The following CTBS variants were observed in gnomAD, a reference collection of about 807,000 sequenced individuals.
CTBS encodes the protein chitobiase.
A neutral mutation model predicts 44.3 loss-of-function variants in CTBS; 35 were observed. That is an observed-to-expected ratio of 0.79 (90% CI 0.60 to 1.05). The LOEUF is 1.05. Ranked by LOEUF, CTBS falls within the 50% of genes least tolerant of loss-of-function variation. CTBS has a pLI of 0.00. For synonymous variants in CTBS, 143 were observed against 168.0 expected, an observed-to-expected ratio of 0.85 and a Z score of 1.15; for missense variants, 458 against 475.3, an observed-to-expected ratio of 0.96 and a Z score of 0.34.
At position 84,552,997 on chromosome 1, in the gene CTBS, T is replaced by C. The variant is rs971131364; in HGVS notation, c.*2002A>G. Reference sequence around the variant, plus strand: ...ACTATGATGTACTTTTAGAAGGGTATGATGAAGTTCATTTTTGAAAAGTAA... The same window carrying C: ...ACTATGATGTACTTTTAGAAGGGTACGATGAAGTTCATTTTTGAAAAGTAA... On this transcript the variant is annotated 3_prime_UTR_variant, in exon 7 of 7. Transcript: ENST00000370630. The C allele has an allele frequency of 1.5e-5, 20 of 1,304,700 alleles. No individual in the cohort carries two copies. Among genetic ancestry groups the C allele is most frequent in the Non-Finnish European group, 2.1e-5 (20 of 943,126 alleles). The allele number at this position is 1,304,700 out of a possible 1,614,324, so 80.8% of individuals were successfully genotyped here.
At chr1:84,573,981 C>A in intron 1 of CTBS, 1 of 1,366,732 alleles carries the variant, frequency 7.3e-7, no homozygotes, top group Non-Finnish European at 9.4e-7. Flanking sequence ...AGGAGCTTGC[C>A]TTAGGAGGCA....
intron 6 of CTBS, among the ~76,000 whole-genome samples, chr1:84,557,617 A>T (rs1043098305): frequency 2.0e-5 from 3 of 148,032 alleles, no homozygotes; most frequent in African/African-American, 7.5e-5. Context: ...GCCCTTTGGG[A>T]GGCCGAGATG....
chr1:84,574,296 G>A lies in CTBS; in HGVS notation c.120C>T (p.Asp40=). 1 of 1,572,068 alleles carries A rather than the reference G, an allele frequency of 6.4e-7. No homozygotes were observed. Among genetic ancestry groups the A allele is most frequent in the Non-Finnish European group, 8.6e-7 (1 of 1,163,124 alleles). The change falls in exon 1 of 7, where the codon GAC becomes GAT. Residue 40 remains aspartate, a synonymous_variant. Transcript: ENST00000370630. The part of the protein sequence containing the change: ...LLALRLAAGT[D]CPCPEPELCR... ...AGAGCTCAGGCTCCGGGCATGGGCA[G>A]TCGGTCCCGGCCGCGAGCCGCAGCG... is the stretch of plus-strand genomic sequence containing the variant.
chr1:84,551,110 A>G lies in CTBS; in HGVS notation c.*3889T>C, dbSNP rs1684257705. 2 of 985,088 alleles carry G rather than the reference A, an allele frequency of 2.0e-6. No homozygotes were observed. Among genetic ancestry groups the G allele is most frequent in the Middle Eastern group, 5.2e-4 (1 of 1,936 alleles). 61.0% of individuals were successfully genotyped at this position (985,088 alleles called of 1,614,324 possible). A position where few individuals can be genotyped will look rare whatever the true frequency, so the allele number is the denominator to read the frequency against. ...GTGAGAATTGTGTACAACTAATTAC[A>G]TCATAGAAATTATCTGTGAAGTACA... On this transcript the variant is annotated 3_prime_UTR_variant, in exon 7 of 7. Transcript: ENST00000370630.
chr1:84,551,400 A>G lies in CTBS; in HGVS notation c.*3599T>C, dbSNP rs562245482. 783 of 617,634 alleles carry G rather than the reference A, an allele frequency of 1.3e-3. No individual in the cohort carries two copies. Among genetic ancestry groups the G allele is most frequent in the Non-Finnish European group, 1.5e-3 (741 of 494,410 alleles). 38.3% of individuals were successfully genotyped at this position (617,634 alleles called of 1,614,324 possible). On this transcript the variant is annotated 3_prime_UTR_variant, in exon 7 of 7. Coordinates refer to ENST00000370630, the MANE Select transcript of CTBS (RefSeq NM_004388.3). ...AAATAAAATTTAAAAATAAAAAAAT[A>G]GAATTAGCACTGTCCAACAGAACTT...
At chr1:84,570,843 T>G (rs1275089035) in intron 1 of CTBS, 123 bp from the exon 2 acceptor site, 6 of 898,812 alleles carry the variant, frequency 6.7e-6, no homozygotes, top group African/African-American at 3.4e-5. Context: ...TACAAGTGCA[T>G]AAGACATAGG....
chr1:84,564,817 G>A (rs1271284889), intron 4 of CTBS, among the ~76,000 whole-genome samples: 4 of 152,120 alleles, frequency 2.6e-5, no homozygotes, highest in Non-Finnish European at 5.9e-5. Context: ...AGGCTGAGGT[G>A]GGAGGATCAC....
chr1:84,560,353 G>T (rs1684567853), intron 6 of CTBS, among the ~76,000 whole-genome samples: 1 of 152,076 alleles, frequency 6.6e-6, no homozygotes, highest in African/African-American at 2.4e-5. Flanking sequence ...TCACAGAGAG[G>T]CCAAGAAAAA....
intron 6 of CTBS, 133 bp from the exon 7 acceptor site, chr1:84,555,332 G>T: frequency 1.6e-6 from 1 of 611,766 alleles, no homozygotes; most frequent in South Asian, 3.1e-5. Context: ...ATTCAAAAAG[G>T]ATACAATGAA....
At chr1:84,568,104 C>T (rs963139270) in intron 3 of CTBS, among the ~76,000 whole-genome samples, 2 of 152,218 alleles carry the variant, frequency 1.3e-5, no homozygotes, top group Non-Finnish European at 2.9e-5. Flanking sequence ...CACTAATTCA[C>T]CTAACATGAA....
intron 6 of CTBS, among the ~76,000 whole-genome samples, chr1:84,558,744 T>TA (rs1684526626): frequency 6.6e-6 from 1 of 151,314 alleles, no homozygotes; most frequent in Non-Finnish European, 1.5e-5. Flanking sequence ...CTACAAAAAG[T>TA]AAAAAAATCA....
chr1:84,556,795 A>G (rs1156686787), intron 6 of CTBS, among the ~76,000 whole-genome samples: 4 of 152,012 alleles, frequency 2.6e-5, no homozygotes, highest in Admixed American at 6.6e-5. Context: ...AATATGGTAG[A>G]CTAATTGTAA....
chr1:84,555,231 A>T, intron 6 of CTBS, 32 bp from the exon 7 acceptor site: 1 of 1,513,626 alleles, frequency 6.6e-7, no homozygotes, highest in Non-Finnish European at 9.1e-7. Flanking sequence ...GAGATTTTAA[A>T]GTATTTAGTA....
chr1:84,564,763 T>C (rs1684660326), intron 4 of CTBS, among the ~76,000 whole-genome samples: 1 of 152,194 alleles, frequency 6.6e-6, no homozygotes, highest in Admixed American at 6.5e-5. Flanking sequence ...AATAGGTATG[T>C]GGCTAGGCAC....
intron 1 of CTBS, among the ~76,000 whole-genome samples, chr1:84,572,727 G>C (rs964589599): frequency 2.0e-5 from 3 of 151,176 alleles, no homozygotes; most frequent in African/African-American, 4.9e-5. Flanking sequence ...GTGCAGTGGC[G>C]TGATCTTGGC....
intron 3 of CTBS, among the ~76,000 whole-genome samples, chr1:84,568,262 C>T (rs1684733944): frequency 6.6e-6 from 1 of 152,216 alleles, no homozygotes; most frequent in African/African-American, 2.4e-5. Flanking sequence ...CCATATATTC[C>T]ACACATCAAT....
rs1248882402 is a variant in CTBS, at chr1:84,550,606, G to A, written c.*4393C>T. 2.2e-6 allele frequency: 3 copies of A among 1,388,818 alleles called. No individual in the cohort carries two copies. The highest frequency in any genetic ancestry group is 1.9e-5 in the South Asian group (1 of 53,956). The allele number at this position is 1,388,818 out of a possible 1,614,324, so 86.0% of individuals were successfully genotyped here. A position where few individuals can be genotyped will look rare whatever the true frequency, so the allele number is the denominator to read the frequency against. On this transcript the variant is annotated 3_prime_UTR_variant, in exon 7 of 7. Transcript: ENST00000370630. ...AAATATTTTGGTGTTTTAACTTTGG[G>A]TGTCAATAATATAAGGGTAGCCAGG...
chr1:84,573,633 A>T (rs912980546), intron 1 of CTBS, among the ~76,000 whole-genome samples: 4 of 152,208 alleles, frequency 2.6e-5, no homozygotes, highest in African/African-American at 7.2e-5. Context: ...GCTTTCAGTC[A>T]TCGAAGTGGG....
At chr1:84,574,083 A>G in intron 1 of CTBS, 156 bp downstream of exon 1, 1 of 1,453,284 alleles carries the variant, frequency 6.9e-7, no homozygotes, top group South Asian at 1.5e-5. Flanking sequence ...GAGCTTCCTC[A>G]TCTATAAATT....
Sources: gnomAD v4.1 joint callset for allele counts (sites outside exome capture counted in the v4.1 genomes callset) on GRCh38, gnomAD v4.1.1 for gene constraint, MANE v1.5 for transcripts, NCBI Gene and HGNC (gene_info 2026-07-23, HGNC 2026-07-21) for gene names.